Variants in NAALADL2 observed in about 807,000 individuals in gnomAD.
NAALADL2 encodes the protein N-acetylated alpha-linked acidic dipeptidase like 2.
In NAALADL2, 76 loss-of-function variants were observed where a neutral mutation model predicts 87.2. The ratio of observed to expected loss-of-function variants is 0.87; its 90% CI spans 0.72 to 1.05. NAALADL2 has a LOEUF of 1.05. Ranked by LOEUF, NAALADL2 falls within the 50% of genes least tolerant of loss-of-function variation. The pLI is 0.00. For missense variants in NAALADL2, 1,089 were observed against 945.8 expected, an observed-to-expected ratio of 1.15 and a Z score of -1.99; for synonymous variants, 354 against 331.0, an observed-to-expected ratio of 1.07 and a Z score of -0.75.
intron 13 of NAALADL2, among the ~76,000 whole-genome samples, chr3:175,772,601 C>T (rs898021668): frequency 6.6e-5 from 10 of 152,228 alleles, no homozygotes; most frequent in Middle Eastern, 3.4e-3. Context: ...GACACCAGCG[C>T]GAGCGGACTA....
chr3:175,077,659 C>A (rs927106779), intron 1 of NAALADL2, among the ~76,000 whole-genome samples: 1 of 152,048 alleles, frequency 6.6e-6, no homozygotes, highest in Admixed American at 6.6e-5. Context: ...ATAGTAATAT[C>A]ATAAATATAC....
intron 2 of NAALADL2, among the ~76,000 whole-genome samples, chr3:174,709,870 T>G (rs995571080): frequency 6.6e-6 from 1 of 152,174 alleles, no homozygotes; most frequent in Non-Finnish European, 1.5e-5. Flanking sequence ...TAGTGGAAAT[T>G]TGTTCCTTTT....
intron 9 of NAALADL2, among the ~76,000 whole-genome samples, chr3:175,507,882 G>T (rs1356158536): frequency 1.3e-5 from 2 of 152,032 alleles, no homozygotes; most frequent in Non-Finnish European, 2.9e-5. Flanking sequence ...TACTCTGTTA[G>T]GTTGTTCTTG....
chr3:175,293,257 C>T lies in NAALADL2; in HGVS notation c.940-30918C>T, dbSNP rs151136244. ...TACCAGATAGACATGGAGTTAAACTCTGACTTTGACACTGAATAACTACAA... is the reference window on the plus strand; with the variant it reads ...TACCAGATAGACATGGAGTTAAACTTTGACTTTGACACTGAATAACTACAA... On this transcript the variant is annotated intron_variant, in intron 4 of 13. Coordinates refer to ENST00000454872, the MANE Select transcript of NAALADL2 (RefSeq NM_207015.3). 6.6e-5 allele frequency among the ~76,000 whole-genome samples: 10 copies of T among 152,232 alleles called. No homozygotes were observed. In the East Asian group the frequency reaches 1.7e-3, roughly 26 times the overall value.
intron 1 of NAALADL2, among the ~76,000 whole-genome samples, chr3:174,993,574 T>G (rs1395569976): frequency 1.3e-5 from 2 of 152,186 alleles, no homozygotes; most frequent in African/African-American, 4.8e-5. Context: ...TTAGGGGCGG[T>G]GGCTCAAGTG....
chr3:175,471,677 T>C lies in NAALADL2; in HGVS notation c.1572T>C (p.Tyr524=). 1 of 1,565,526 alleles carries C rather than the reference T, an allele frequency of 6.4e-7. No homozygotes were observed. Among genetic ancestry groups the C allele is most frequent in the Non-Finnish European group, 8.8e-7 (1 of 1,138,796 alleles). ...KKVLQKNVVA[Y]ISLHSPIRGN... ...TTCTTCAGAAAAATGTTGTGGCTTA[T>C]ATTAGCCTCCACAGTCCCATAAGGG... Residue 524 remains tyrosine, a synonymous_variant, in exon 9 of 14, where the codon TAT becomes TAC. Coordinates refer to ENST00000454872, the MANE Select transcript of NAALADL2 (RefSeq NM_207015.3).
intron 1 of NAALADL2, among the ~76,000 whole-genome samples, chr3:174,441,258 C>T (rs1714588253): frequency 1.3e-5 from 2 of 152,000 alleles, no homozygotes; most frequent in Admixed American, 6.5e-5. Flanking sequence ...AGCGACTCCG[C>T]GGGGTGGCGC....
At chr3:174,541,609 TAATC>T (rs1226587668) in intron 1 of NAALADL2, among the ~76,000 whole-genome samples, 1 of 152,226 alleles carries the variant, frequency 6.6e-6, no homozygotes, top group Non-Finnish European at 1.5e-5. Flanking sequence ...TAAAAGCAGT[TAATC>T]AAAAAGCATT....
chr3:175,243,848 C>T (rs954050287), intron 3 of NAALADL2, among the ~76,000 whole-genome samples: 1 of 152,068 alleles, frequency 6.6e-6, no homozygotes, highest in African/African-American at 2.4e-5. Context: ...GTTACCTTCT[C>T]CACAGAACTA....
intron 12 of NAALADL2, among the ~76,000 whole-genome samples, chr3:175,745,823 C>T (rs951111018): frequency 1.3e-5 from 2 of 152,200 alleles, no homozygotes; most frequent in African/African-American, 2.4e-5. Context: ...TGATGCTCCT[C>T]ACCTTACCCA....
chr3:175,646,697 T>A (rs1246851978), intron 11 of NAALADL2, among the ~76,000 whole-genome samples: 2 of 152,108 alleles, frequency 1.3e-5, no homozygotes, highest in African/African-American at 4.8e-5. Flanking sequence ...ATGATCTATA[T>A]GCCATATTGC....
chr3:174,745,879 T>G (rs1734204235), intron 3 of NAALADL2, among the ~76,000 whole-genome samples: 1 of 151,918 alleles, frequency 6.6e-6, no homozygotes, highest in African/African-American at 2.4e-5. Flanking sequence ...AAATTCAACC[T>G]CCCTTCATGT....
intron 1 of NAALADL2, among the ~76,000 whole-genome samples, chr3:174,546,094 A>C (rs561170180): frequency 6.6e-6 from 1 of 151,886 alleles, no homozygotes; most frequent in Non-Finnish European, 1.5e-5. Flanking sequence ...GTTGATAACT[A>C]TATGCTACCT....
Position 175,788,678 on chromosome 3 carries a change from A to T in NAALADL2, c.2190-14327A>T, listed in dbSNP as rs371048174. ...GAGCATATTCCTGTAGTTAAGTAAT[A>T]TATGACTGTAGTTTAATTTTAAGCG... On this transcript the variant is annotated intron_variant, in intron 13 of 13. Coordinates refer to ENST00000454872, the MANE Select transcript of NAALADL2 (RefSeq NM_207015.3). Among the ~76,000 whole-genome samples the T allele has an allele frequency of 7.9e-5, 12 of 152,324 alleles. No homozygotes were observed. In the East Asian group the frequency reaches 2.1e-3, roughly 27 times the overall value.
intron 3 of NAALADL2, among the ~76,000 whole-genome samples, chr3:174,746,395 G>A (rs1312167137): frequency 6.6e-6 from 1 of 152,058 alleles, no homozygotes; most frequent in African/African-American, 2.4e-5. Context: ...ATGTCTTCAA[G>A]GAGTACTACA....
At chr3:174,832,149 A>G (rs1218664560) in intron 3 of NAALADL2, among the ~76,000 whole-genome samples, 1 of 152,044 alleles carries the variant, frequency 6.6e-6, no homozygotes, top group Non-Finnish European at 1.5e-5. Flanking sequence ...GCCTTCTGCT[A>G]ACTTTTGAAT....
intron 2 of NAALADL2, among the ~76,000 whole-genome samples, chr3:174,575,379 G>C (rs1290913726): frequency 6.6e-6 from 1 of 152,086 alleles, no homozygotes; most frequent in Non-Finnish European, 1.5e-5. Flanking sequence ...AGTGGACTTG[G>C]TACTTTGTGA....
chr3:174,984,305 A>T (rs1745522946), intron 1 of NAALADL2, among the ~76,000 whole-genome samples: 1 of 152,218 alleles, frequency 6.6e-6, no homozygotes, highest in Admixed American at 6.5e-5. Flanking sequence ...CAGGGATCAG[A>T]TGGTAGCAAA....
intron 12 of NAALADL2, among the ~76,000 whole-genome samples, chr3:175,753,771 C>T (rs1002698445): frequency 1.3e-5 from 2 of 152,124 alleles, no homozygotes; most frequent in Admixed American, 1.3e-4. Context: ...TTGGACTTTA[C>T]TTAGACAGAG....
Sources: allele counts gnomAD v4.1 joint callset (sites outside exome capture counted in the v4.1 genomes callset), GRCh38; gene constraint gnomAD v4.1.1; transcripts MANE v1.5; gene names NCBI Gene and HGNC (gene_info 2026-07-23, HGNC 2026-07-21).